Variants in TPST1 observed in about 807,000 individuals in gnomAD.
TPST1 encodes tyrosylprotein sulfotransferase 1.
TPST1 carries 20 observed loss-of-function variants against 34.8 expected under a neutral mutation model. The observed-to-expected ratio is 0.57, with a 90% CI of 0.40 to 0.84. TPST1 has a LOEUF of 0.84. Ranked by LOEUF, TPST1 falls within the 40% of genes least tolerant of loss-of-function variation. TPST1 has a pLI of 0.00. For missense variants in TPST1, 353 were observed against 455.5 expected, an observed-to-expected ratio of 0.78 and a Z score of 2.05; for synonymous variants, 152 against 159.4, an observed-to-expected ratio of 0.95 and a Z score of 0.35.
At chr7:66,296,547 A>T (rs1301805477) in intron 3 of TPST1, among the ~76,000 whole-genome samples, 1 of 152,032 alleles carries the variant, frequency 6.6e-6, no homozygotes, top group Non-Finnish European at 1.5e-5. Context: ...CTATGATATG[A>T]GATGGGCCCC....
intron 3 of TPST1, among the ~76,000 whole-genome samples, chr7:66,302,253 T>C (rs1286821336): frequency 6.6e-6 from 1 of 152,188 alleles, no homozygotes; most frequent in Non-Finnish European, 1.5e-5. Context: ...AAATTTGACT[T>C]TTAGCCCAAC....
intron 1 of TPST1, among the ~76,000 whole-genome samples, chr7:66,222,445 A>G (rs1263223286): frequency 2.0e-5 from 3 of 152,142 alleles, no homozygotes; most frequent in Non-Finnish European, 1.5e-5. Flanking sequence ...TATCTGCTGC[A>G]TATTAAATAA....
chr7:66,217,595 T>C (rs1221914235), intron 1 of TPST1, among the ~76,000 whole-genome samples: 2 of 152,018 alleles, frequency 1.3e-5, no homozygotes, highest in East Asian at 3.9e-4. Flanking sequence ...TATTTATTTG[T>C]TTGTTTGTTT....
rs1789305454 is a variant in TPST1 at position 66,213,402 on chromosome 7, T to C, written c.-102+7880T>C. On this transcript the variant is annotated intron_variant, in intron 1 of 5. Transcript: ENST00000304842. ...AATTTTTATTGGGTTTTTTGTCTATTCTACTTCTTTGGTGAGATTTTCTAT... is the reference window on the plus strand; with the variant it reads ...AATTTTTATTGGGTTTTTTGTCTATCCTACTTCTTTGGTGAGATTTTCTAT... Among the ~76,000 whole-genome samples the C allele has an allele frequency of 4.6e-5, 7 of 152,332 alleles. No homozygotes were observed. In the South Asian group the frequency reaches 1.4e-3, roughly 32 times the overall value.
intron 3 of TPST1, among the ~76,000 whole-genome samples, chr7:66,335,462 A>C (rs1792078350): frequency 6.6e-6 from 1 of 152,174 alleles, no homozygotes; most frequent in Non-Finnish European, 1.5e-5. Flanking sequence ...CTCAAAAAAA[A>C]AAAAAAGTTG....
intron 4 of TPST1, among the ~76,000 whole-genome samples, chr7:66,354,409 C>T (rs1282110128): frequency 6.8e-6 from 1 of 148,138 alleles, no homozygotes; most frequent in Non-Finnish European, 1.5e-5. Flanking sequence ...AGTTCAAGAT[C>T]TGTTTAGCCA....
At chr7:66,219,073 T>G (rs7786735) in intron 1 of TPST1, among the ~76,000 whole-genome samples, 28,409 of 141,038 alleles carry the variant, frequency 0.2, 3,431 homozygotes, top group East Asian at 0.35. Flanking sequence ...TTTTTTGGTA[T>G]TTTTAGTAGA....
At chr7:66,268,683 G>A (rs1790638851) in intron 2 of TPST1, among the ~76,000 whole-genome samples, 1 of 151,918 alleles carries the variant, frequency 6.6e-6, no homozygotes, top group Admixed American at 6.6e-5. Context: ...TGAGGAAAGA[G>A]AAATAATCAC....
chr7:66,261,571 A>T (rs1790489239), intron 2 of TPST1, among the ~76,000 whole-genome samples: 2 of 152,174 alleles, frequency 1.3e-5, no homozygotes, highest in African/African-American at 4.8e-5. Flanking sequence ...ATTCAGAGCC[A>T]TAGAATACTA....
At chr7:66,213,271 A>C (rs982265411) in intron 1 of TPST1, among the ~76,000 whole-genome samples, 4 of 151,394 alleles carry the variant, frequency 2.6e-5, no homozygotes, top group African/African-American at 4.9e-5. Context: ...TGTTGTTTAG[A>C]TTGGGTAATT....
rs56139529 is a variant in TPST1 at position 66,234,400 on chromosome 7, TACACACACAC to T, written c.-101-5903_-101-5894del. ...CAAGCTTGAAAAATAAAAGCATGGC[TACACACACAC>T]ACACACACACACACACACACAGACA... On this transcript the variant is annotated intron_variant, in intron 1 of 5. Transcript: ENST00000304842. 2.2e-3 allele frequency among the ~76,000 whole-genome samples: 315 copies of T among 142,948 alleles called. 2 individuals carry two copies. Among genetic ancestry groups the T allele is most frequent in the African/African-American group, 7.9e-3 (307 of 38,766 alleles). 93.8% of individuals were successfully genotyped at this position (142,948 alleles called of 152,430 possible). A position where few individuals can be genotyped will look rare whatever the true frequency, so the allele number is the denominator to read the frequency against.
intron 2 of TPST1, among the ~76,000 whole-genome samples, chr7:66,277,842 CT>C (rs1214936207): frequency 1.3e-5 from 2 of 151,892 alleles, no homozygotes; most frequent in African/African-American, 2.4e-5. Context: ...GTAGGGGGAC[CT>C]ATTAGAAGAA....
At chr7:66,309,131 T>G (rs1791481056) in intron 3 of TPST1, among the ~76,000 whole-genome samples, 1 of 152,170 alleles carries the variant, frequency 6.6e-6, no homozygotes, top group African/African-American at 2.4e-5. Context: ...ACTCCTGACC[T>G]CAGGTGATCC....
chr7:66,201,719 G>A (rs1411544222), upstream of TPST1, among the ~76,000 whole-genome samples: 1 of 151,868 alleles, frequency 6.6e-6, no homozygotes, highest in African/African-American at 2.4e-5. Context: ...GGGAGTGGGT[G>A]GCGTGCACCC....
upstream of TPST1, among the ~76,000 whole-genome samples, chr7:66,202,919 CA>C (rs1467590031): frequency 6.6e-6 from 1 of 151,942 alleles, no homozygotes; most frequent in Non-Finnish European, 1.5e-5. Context: ...AATAAAACTA[CA>C]AAAAAATTAG....
At chr7:66,307,876 T>C (rs2116094571) in intron 3 of TPST1, among the ~76,000 whole-genome samples, 1 of 152,342 alleles carries the variant, frequency 6.6e-6, no homozygotes, top group African/African-American at 2.4e-5. Context: ...ATTGAGAGCC[T>C]CCTCTGCTGA....
Position 66,352,504 on chromosome 7 carries a change from G to T in TPST1, c.1045-1G>T, listed in dbSNP as rs1250801380. On this transcript the variant is annotated splice_acceptor_variant, in intron 3 of 5. Coordinates refer to ENST00000304842, the MANE Select transcript of TPST1 (RefSeq NM_003596.4). LOFTEE classifies it high-confidence loss of function. ...AACTCACGCCTGCTTTGTTTTTCCA[G>T]GTCTATAAGGGAGAATTCCAACTAC... The T allele has an allele frequency of 1.2e-6, 2 of 1,611,648 alleles. No homozygotes were observed. Among genetic ancestry groups the T allele is most frequent in the Non-Finnish European group, 1.7e-6 (2 of 1,179,568 alleles).
At chr7:66,229,670 G>A (rs1370589572) in intron 1 of TPST1, among the ~76,000 whole-genome samples, 2 of 152,166 alleles carry the variant, frequency 1.3e-5, no homozygotes, top group Non-Finnish European at 1.5e-5. Flanking sequence ...TGTATGGTAA[G>A]TATATATTTA....
intron 3 of TPST1, among the ~76,000 whole-genome samples, chr7:66,302,805 T>C (rs538194512): frequency 7.2e-5 from 11 of 152,360 alleles, no homozygotes; most frequent in African/African-American, 2.6e-4. Context: ...TTTCTTGTTT[T>C]GATGAGAGCA....
Sources: gnomAD v4.1 joint callset for allele counts (sites outside exome capture counted in the v4.1 genomes callset) on GRCh38, gnomAD v4.1.1 for gene constraint, MANE v1.5 for transcripts, NCBI Gene and HGNC (gene_info 2026-07-23, HGNC 2026-07-21) for gene names.